The following ASXL2 variants were observed in gnomAD, a reference collection of about 807,000 sequenced individuals.
The protein encoded by ASXL2 is putative Polycomb group protein ASXL2.
In ASXL2, 23 loss-of-function variants were observed where a neutral mutation model predicts 122.0. The ratio of observed to expected loss-of-function variants is 0.19; its 90% CI spans 0.14 to 0.27. The LOEUF (loss-of-function observed/expected upper bound fraction) is 0.27. Ranked by LOEUF, ASXL2 falls within the 10% of genes least tolerant of loss-of-function variation. The pLI, the probability that ASXL2 is intolerant of heterozygous loss-of-function variation, is 1.00. For missense variants in ASXL2, 1,518 were observed against 1,713.8 expected (o/e 0.89, Z 2.02); for synonymous variants, 650 against 637.0 (o/e 1.02, Z -0.31).
intron 3 of ASXL2, among the ~76,000 whole-genome samples, chr2:25,808,760 A>C (rs1574427274): frequency 6.6e-6 from 1 of 152,150 alleles, no homozygotes; most frequent in East Asian, 1.9e-4. Flanking sequence ...TGCACTATTG[A>C]TTTGTCTTTC....
At chr2:25,807,722 T>C (rs1365965233) in intron 3 of ASXL2, among the ~76,000 whole-genome samples, 1 of 152,104 alleles carries the variant, frequency 6.6e-6, no homozygotes, top group Admixed American at 6.6e-5. Flanking sequence ...AATACCCTCA[T>C]AGACTGTTGG....
intron 3 of ASXL2, among the ~76,000 whole-genome samples, chr2:25,812,849 G>C (rs1031330398): frequency 2.0e-4 from 30 of 152,178 alleles, no homozygotes; most frequent in Admixed American, 7.9e-4. Flanking sequence ...GCAGCTAAAA[G>C]AGTGCTAAGT....
At chr2:25,860,772 G>T (rs1278977852) in intron 1 of ASXL2, among the ~76,000 whole-genome samples, 1 of 149,328 alleles carries the variant, frequency 6.7e-6, no homozygotes, top group African/African-American at 2.5e-5. Context: ...CAGCACTTTC[G>T]GAGGCCGAGG....
At chr2:25,845,618 CTA>C (rs991814714) in intron 1 of ASXL2, 55 bp from the exon 2 acceptor site, 12 of 789,730 alleles carry the variant, frequency 1.5e-5, no homozygotes, top group Admixed American at 1.2e-4. Context: ...TATTATAATT[CTA>C]TATATATTTC....
chr2:25,778,754 C>CT (rs986974569), intron 5 of ASXL2, among the ~76,000 whole-genome samples: 14 of 152,176 alleles, frequency 9.2e-5, no homozygotes, highest in Non-Finnish European at 1.6e-4. Context: ...TATGTGACAG[C>CT]TTTTTTACAA....
chr2:25,850,161 A>G (rs1396128732), intron 1 of ASXL2, among the ~76,000 whole-genome samples: 2 of 149,202 alleles, frequency 1.3e-5, no homozygotes, highest in Non-Finnish European at 3.0e-5. Context: ...ATTGTAGTAT[A>G]TATCTCTGAA....
intron 1 of ASXL2, among the ~76,000 whole-genome samples, chr2:25,852,042 A>G (rs1031139070): frequency 0.013 from 9 of 720 alleles, no homozygotes; most frequent in African/African-American, 0.091. Flanking sequence ...GAACCATTAC[A>G]TTATCTTCCA....
chr2:25,873,944 G>C (rs917972570), intron 1 of ASXL2, among the ~76,000 whole-genome samples: 4 of 152,138 alleles, frequency 2.6e-5, no homozygotes, highest in African/African-American at 7.2e-5. Flanking sequence ...CAATAAGACT[G>C]CTATTTTCAA....
At chr2:25,815,453 C>T (rs1415299461) in intron 3 of ASXL2, among the ~76,000 whole-genome samples, 1 of 151,996 alleles carries the variant, frequency 6.6e-6, no homozygotes, top group African/African-American at 2.4e-5. Context: ...ATGTCTCTTG[C>T]TAAAATAAGC....
chr2:25,860,410 T>C (rs1001761507), intron 1 of ASXL2, among the ~76,000 whole-genome samples: 1 of 151,896 alleles, frequency 6.6e-6, no homozygotes, highest in African/African-American at 2.4e-5. Context: ...AAAGACTGAA[T>C]GCATGTATTA....
chr2:25,768,417 C>T (rs1368495872), intron 7 of ASXL2, among the ~76,000 whole-genome samples: 1 of 152,176 alleles, frequency 6.6e-6, no homozygotes, highest in Non-Finnish European at 1.5e-5. Context: ...AATCCTCCCA[C>T]CTCAGCTTCC....
At chr2:25,777,003 G>C (rs931460817) in intron 5 of ASXL2, among the ~76,000 whole-genome samples, 1 of 152,098 alleles carries the variant, frequency 6.6e-6, no homozygotes, top group Non-Finnish European at 1.5e-5. Flanking sequence ...GAAAATTACA[G>C]GACCCACCAG....
Position 25,744,343 on chromosome 2 carries a change from T to C in ASXL2, c.1994A>G (p.Gln665Arg). The change falls in exon 13 of 13, where the codon CAA becomes CGA. Residue 665 changes from glutamine (Q) to arginine (R), a missense_variant. Physicochemically the swap from Gln to Arg is conservative, Grantham distance 43. Transcript: ENST00000435504. This position sits in a 1 kb window ranked among gnomAD's most constrained non-coding sequence, Gnocchi z 4.7. ...TGCTGCCCTCTGTGCTTTGACCAGT[T>C]GGGCTTTTGCTTTGATGTCTGCAAG... is the stretch of plus-strand genomic sequence containing the variant. Reference protein sequence around the residue: ...RTLADIKAKAQLVKAQRAAAA... With the variant: ...RTLADIKAKARLVKAQRAAAA... The C allele has an allele frequency of 6.2e-7, 1 of 1,613,982 alleles. No homozygotes were observed. The highest frequency in any genetic ancestry group is 8.5e-7 in the Non-Finnish European group (1 of 1,179,874).
intron 1 of ASXL2, among the ~76,000 whole-genome samples, chr2:25,860,256 G>A (rs1158984342): frequency 6.6e-6 from 1 of 150,590 alleles, no homozygotes; most frequent in East Asian, 2.0e-4. Context: ...GGTTGCAGTG[G>A]GCCGAGGTCG....
At chr2:25,813,981 C>T (rs1329958959) in intron 3 of ASXL2, among the ~76,000 whole-genome samples, 10 of 151,946 alleles carry the variant, frequency 6.6e-5, no homozygotes, top group Admixed American at 5.9e-4. Context: ...ACCCAGGAGG[C>T]GGAGGTTGCA....
chr2:25,755,486 G>C (rs752927888), intron 10 of ASXL2, among the ~76,000 whole-genome samples: 2 of 152,176 alleles, frequency 1.3e-5, no homozygotes, highest in South Asian at 4.1e-4. Flanking sequence ...ACAATGTTCT[G>C]ACTGCCAATT....
intron 3 of ASXL2, among the ~76,000 whole-genome samples, chr2:25,808,017 A>ACACACACACG (rs2095433531): frequency 6.6e-6 from 1 of 151,148 alleles, no homozygotes; most frequent in Non-Finnish European, 1.5e-5. Flanking sequence ...ACACACACAC[A>ACACACACACG]CACACTCTCC....
intron 1 of ASXL2, among the ~76,000 whole-genome samples, chr2:25,867,743 T>C (rs373710117): frequency 1.2e-4 from 18 of 152,338 alleles, no homozygotes; most frequent in African/African-American, 4.3e-4. Context: ...TCCATTATGC[T>C]ACACAACACT....
At chr2:25,776,373 T>G (rs1226978158) in intron 5 of ASXL2, among the ~76,000 whole-genome samples, 1 of 152,226 alleles carries the variant, frequency 6.6e-6, no homozygotes, top group Non-Finnish European at 1.5e-5. Flanking sequence ...AATATTCCAT[T>G]GCATGCTTAT....
Sources: gnomAD v4.1 joint callset for allele counts (sites outside exome capture counted in the v4.1 genomes callset) on GRCh38, gnomAD v4.1.1 for gene constraint, Gnocchi (gnomAD v3.1) non-coding constraint, MANE v1.5 for transcripts, NCBI Gene and HGNC (gene_info 2026-07-23, HGNC 2026-07-21) for gene names.